MAF: variants seen among roughly 807,000 people sequenced by gnomAD.
MAF encodes the protein MAF bZIP transcription factor.
A neutral mutation model predicts 22.0 loss-of-function variants in MAF; 10 were observed. The observed-to-expected ratio is 0.45, with a 90% CI of 0.28 to 0.77. The LOEUF (loss-of-function observed/expected upper bound fraction) is 0.77. MAF is among the 30% of genes least tolerant of loss of function. The pLI is 0.12. For missense variants in MAF, 544 were observed against 548.4 expected (o/e 0.99, Z 0.08); for synonymous variants, 337 against 255.8 (o/e 1.32, Z -3.03).
chr16:79,217,061 C>T, the MAF span, among the ~76,000 whole-genome samples: 1 of 152,218 alleles, frequency 6.6e-6, no homozygotes, highest in Non-Finnish European at 1.5e-5. Flanking sequence ...CCAACTGCCT[C>T]AGCCTCCCAG....
At chr16:79,289,316 G>C in the MAF span, among the ~76,000 whole-genome samples, 1 of 152,120 alleles carries the variant, frequency 6.6e-6, no homozygotes, top group African/African-American at 2.4e-5. Context: ...GCGGGAGGTA[G>C]AGAGGAGATG....
chr16:79,590,174 G>A (rs1427200374), downstream of MAF, among the ~76,000 whole-genome samples: 1 of 152,100 alleles, frequency 6.6e-6, no homozygotes, highest in Admixed American at 6.5e-5. Flanking sequence ...AAAGGACTGG[G>A]ATGCGGTGTT....
chr16:79,382,829 A>G, the MAF span, among the ~76,000 whole-genome samples: 1 of 152,342 alleles, frequency 6.6e-6, no homozygotes, highest in East Asian at 1.9e-4. Flanking sequence ...GCAAGAAAAG[A>G]ACTGCTCTAG....
the MAF span, among the ~76,000 whole-genome samples, chr16:79,537,567 G>A: frequency 3.1e-4 from 47 of 152,142 alleles, no homozygotes; most frequent in African/African-American, 1.1e-3. Context: ...ATAGGAGGAT[G>A]TTACTTTGCC....
chr16:79,229,186 G>C, the MAF span: 1 of 151,800 alleles, frequency 6.6e-6, no homozygotes, highest in East Asian at 1.9e-4. Flanking sequence ...TGAGGATAAA[G>C]GCCACAGCCG....
the MAF span, among the ~76,000 whole-genome samples, chr16:79,499,774 C>T: frequency 1.3e-5 from 2 of 152,134 alleles, no homozygotes; most frequent in Non-Finnish European, 2.9e-5. Flanking sequence ...TTATAAGCTA[C>T]CCAATATTTT....
chr16:79,256,591 C>G, the MAF span, among the ~76,000 whole-genome samples: 12 of 152,094 alleles, frequency 7.9e-5, no homozygotes, highest in African/African-American at 1.2e-4. Flanking sequence ...ACTGATAAGA[C>G]GTCCCCAGCA....
the MAF span, among the ~76,000 whole-genome samples, chr16:79,424,834 T>C: frequency 4.6e-5 from 7 of 152,232 alleles, no homozygotes; most frequent in Non-Finnish European, 1.0e-4. Flanking sequence ...ATTTGTTGAA[T>C]GGATGCAAAA....
At chr16:79,560,051 T>C in the MAF span, among the ~76,000 whole-genome samples, 2 of 152,106 alleles carry the variant, frequency 1.3e-5, no homozygotes, top group African/African-American at 4.8e-5. Context: ...ACTACAGGCA[T>C]GGGCCACCAT....
At chr16:79,595,294 C>A in intron 1 of MAF, 1 of 1,049,222 alleles carries the variant, frequency 9.5e-7, no homozygotes, top group Non-Finnish European at 1.2e-6. Flanking sequence ...TACACACTGT[C>A]TTCGTGTTTT....
chr16:79,486,169 T>A, the MAF span, among the ~76,000 whole-genome samples: 2 of 152,198 alleles, frequency 1.3e-5, no homozygotes, highest in East Asian at 1.9e-4. Context: ...CCTCTTTTCA[T>A]GTGGGGCTCA....
the MAF span, among the ~76,000 whole-genome samples, chr16:79,222,090 T>A: frequency 1.3e-5 from 2 of 152,148 alleles, no homozygotes; most frequent in South Asian, 4.1e-4. Context: ...AGAAATTTAA[T>A]AGAAATGATG....
the MAF span, among the ~76,000 whole-genome samples, chr16:79,357,421 G>C: frequency 6.6e-6 from 1 of 152,190 alleles, no homozygotes; most frequent in East Asian, 1.9e-4. Context: ...AACAGAGTGA[G>C]ACACTGTCTC....
At chr16:79,375,142 G>C in the MAF span, among the ~76,000 whole-genome samples, 4 of 152,194 alleles carry the variant, frequency 2.6e-5, no homozygotes, top group Non-Finnish European at 4.4e-5. Context: ...AGGAATCATG[G>C]ATCCAGTGTA....
the MAF span, among the ~76,000 whole-genome samples, chr16:79,449,039 G>C: frequency 6.6e-6 from 1 of 152,182 alleles, no homozygotes; most frequent in African/African-American, 2.4e-5. Context: ...CAATGAGACA[G>C]TCCCATCTGG....
At chr16:79,387,998 G>A in the MAF span, among the ~76,000 whole-genome samples, 16 of 152,144 alleles carry the variant, frequency 1.1e-4, no homozygotes, top group African/African-American at 3.9e-4. Flanking sequence ...CAAAAACACA[G>A]TGAGTTTGTA....
At chr16:79,534,341 T>C in the MAF span, among the ~76,000 whole-genome samples, 1 of 152,328 alleles carries the variant, frequency 6.6e-6, no homozygotes, top group African/African-American at 2.4e-5. Flanking sequence ...GTGGTTTTAT[T>C]CTTGGGAATA....
the MAF span, among the ~76,000 whole-genome samples, chr16:79,549,428 C>A: frequency 6.6e-6 from 1 of 152,262 alleles, no homozygotes; most frequent in South Asian, 2.1e-4. Flanking sequence ...CCACAAGATA[C>A]TGTCTGTGAA....
the MAF span, among the ~76,000 whole-genome samples, chr16:79,487,174 C>T: frequency 6.7e-6 from 1 of 149,020 alleles, no homozygotes; most frequent in African/African-American, 2.5e-5. Flanking sequence ...GATTTTAATG[C>T]TAAGAACATT....
Sources: allele counts gnomAD v4.1 joint callset (sites outside exome capture counted in the v4.1 genomes callset), GRCh38; gene constraint gnomAD v4.1.1; transcripts MANE v1.5; gene names NCBI Gene and HGNC (gene_info 2026-07-23, HGNC 2026-07-21).